Variants in BRINP1 observed in about 807,000 individuals in gnomAD.
The protein encoded by BRINP1 is BMP/retinoic acid inducible neural specific 1.
In BRINP1, 17 loss-of-function variants were observed where a neutral mutation model predicts 72.9. That is an observed-to-expected ratio of 0.23 (90% CI 0.16 to 0.35). The LOEUF is 0.35. Among genes scored for constraint, BRINP1 ranks in the 10% least tolerant of loss-of-function variants. The probability of loss-of-function intolerance (pLI) is 1.00; values close to 1 mark genes in which losing one functional copy is unlikely to be tolerated. For missense variants in BRINP1, 850 were observed against 1,001.6 expected (o/e 0.85, Z 2.04); for synonymous variants, 418 against 378.5 (o/e 1.10, Z -1.21).
At chr9:119,202,146 C>T (rs1829811600) in intron 7 of BRINP1, among the ~76,000 whole-genome samples, 1 of 152,194 alleles carries the variant, frequency 6.6e-6, no homozygotes, top group South Asian at 2.1e-4. Context: ...ATTTAATCAT[C>T]AGCAAGTCAT....
intron 1 of BRINP1, among the ~76,000 whole-genome samples, chr9:119,358,283 C>A (rs1831590685): frequency 6.6e-6 from 1 of 151,348 alleles, no homozygotes; most frequent in Non-Finnish European, 1.5e-5. Flanking sequence ...AATACCCTGT[C>A]TTATACATTA....
intron 1 of BRINP1, among the ~76,000 whole-genome samples, chr9:119,330,712 C>G (rs942168149): frequency 5.3e-5 from 8 of 152,122 alleles, no homozygotes; most frequent in Non-Finnish European, 1.0e-4. Context: ...ATTTGCCTCT[C>G]AGGGGCCTGT....
At chr9:119,276,667 A>G (rs1830660536) in intron 2 of BRINP1, among the ~76,000 whole-genome samples, 1 of 152,146 alleles carries the variant, frequency 6.6e-6, no homozygotes. Flanking sequence ...GCTTCCCACT[A>G]TACTGGTGCA....
chr9:119,231,310 C>G (rs755051254), intron 5 of BRINP1, among the ~76,000 whole-genome samples: 14 of 152,028 alleles, frequency 9.2e-5, no homozygotes, highest in Admixed American at 5.9e-4. Context: ...CTATCTAAGG[C>G]AAATAATTCC....
chr9:119,312,586 C>T (rs1831079008), intron 2 of BRINP1, among the ~76,000 whole-genome samples: 1 of 152,136 alleles, frequency 6.6e-6, no homozygotes, highest in Non-Finnish European at 1.5e-5. Context: ...GGTCCAAGAA[C>T]CAGTACAGAC....
At chr9:119,317,020 G>C (rs1172715766) in intron 1 of BRINP1, among the ~76,000 whole-genome samples, 1 of 151,768 alleles carries the variant, frequency 6.6e-6, no homozygotes, top group Non-Finnish European at 1.5e-5. Context: ...GAACCCGGGA[G>C]GCGGAGGTCG....
In BRINP1 at chr9:119,168,109, G is replaced by A; in HGVS notation, c.1261C>T (p.Leu421=). The A allele has an allele frequency of 6.2e-7, 1 of 1,608,632 alleles. No homozygotes were observed. Among genetic ancestry groups the A allele is most frequent in the Non-Finnish European group, 8.5e-7 (1 of 1,176,682 alleles). ...ACGCAGGGGATGGGGCGCTGGCACA[G>A]CGTGGTGCTGCCGTGGCACACGCAG... The part of the protein sequence containing the change: ...RSCVCHGSTT[L]CQRPIPCVIG... The change falls in exon 8 of 8, where the codon CTG becomes TTG. Residue 421 remains leucine, a synonymous_variant. Coordinates refer to ENST00000265922, the MANE Select transcript of BRINP1 (RefSeq NM_014618.3).
chr9:119,307,143 A>G (rs974590417), intron 2 of BRINP1, among the ~76,000 whole-genome samples: 6 of 151,696 alleles, frequency 4.0e-5, no homozygotes, highest in Non-Finnish European at 1.5e-5. Flanking sequence ...GCTACCCACG[A>G]GATGCCAGAA....
At chr9:119,330,466 G>A (rs1370234671) in intron 1 of BRINP1, among the ~76,000 whole-genome samples, 1 of 152,096 alleles carries the variant, frequency 6.6e-6, no homozygotes, top group Non-Finnish European at 1.5e-5. Context: ...TTCATCTCCA[G>A]TATCTTCTCT....
At chr9:119,342,595 C>T (rs1464356374) in intron 1 of BRINP1, among the ~76,000 whole-genome samples, 1 of 152,194 alleles carries the variant, frequency 6.6e-6, no homozygotes, top group Non-Finnish European at 1.5e-5. Context: ...AAAATGGGAG[C>T]CTTCAAGCAT....
intron 2 of BRINP1, among the ~76,000 whole-genome samples, chr9:119,249,856 G>GGA (rs773621651): frequency 0.11 from 1,798 of 15,880 alleles, 55 homozygotes; most frequent in Middle Eastern, 0.14. Context: ...GGAAGGAAGG[G>GGA]AGGGAGGGAG....
chr9:119,178,425 T>TTGTG (rs370286031), intron 7 of BRINP1, among the ~76,000 whole-genome samples: 24 of 152,242 alleles, frequency 1.6e-4, no homozygotes, highest in Admixed American at 3.3e-4. Flanking sequence ...ATTTCATTGT[T>TTGTG]TGTGTGTGTG....
intron 2 of BRINP1, among the ~76,000 whole-genome samples, chr9:119,287,625 A>C (rs1463300477): frequency 2.0e-5 from 3 of 152,220 alleles, no homozygotes; most frequent in Non-Finnish European, 4.4e-5. Context: ...TTTCAGGTTC[A>C]TGGAAGTAAC....
intron 7 of BRINP1, among the ~76,000 whole-genome samples, chr9:119,172,215 A>G (rs1829421321): frequency 6.6e-6 from 1 of 152,218 alleles, no homozygotes; most frequent in Non-Finnish European, 1.5e-5. Context: ...GAAAGGATCA[A>G]CAAAATTGAT....
chr9:119,347,809 T>C (rs182262711), intron 1 of BRINP1, among the ~76,000 whole-genome samples: 6 of 152,308 alleles, frequency 3.9e-5, no homozygotes, highest in South Asian at 2.1e-4. Context: ...CTTTTATTTT[T>C]TTTAAGACAT....
rs773920434 is a variant in BRINP1, at chr9:119,167,752, T to C, written c.1618A>G (p.Met540Val). Residue 540 changes from methionine to valine, a missense_variant, in exon 8 of 8, where the codon ATG (methionine) becomes GTG (valine). Coordinates refer to ENST00000265922, the MANE Select transcript of BRINP1 (RefSeq NM_014618.3). The surrounding 1 kb of genome is among the most constrained non-coding windows in gnomAD (Gnocchi z 4.3). ...ATGCGCATGGACATGCCGATCACCA[T>C]GTGGATGAAGTCCATGCGGTTCTTG... ...SNKNRMDFIH[M>V]VIGMSMRICQ... is the part of the protein sequence containing the mutation. 21 of 1,613,952 alleles carry C rather than the reference T, an allele frequency of 1.3e-5. No homozygotes were observed. Among genetic ancestry groups the C allele is most frequent in the Admixed American group, 6.7e-5 (4 of 59,996 alleles).
At chr9:119,208,435 A>G (rs938491516) in intron 7 of BRINP1, among the ~76,000 whole-genome samples, 24 of 152,212 alleles carry the variant, frequency 1.6e-4, no homozygotes, top group African/African-American at 5.3e-4. Context: ...ATAATGCCAC[A>G]TAACTATCAG....
intron 5 of BRINP1, among the ~76,000 whole-genome samples, chr9:119,237,708 C>T (rs1439670936): frequency 6.6e-6 from 1 of 151,834 alleles, no homozygotes; most frequent in African/African-American, 2.4e-5. Context: ...GTCGCCTAGG[C>T]TGGAGTGCAG....
intron 2 of BRINP1, 96 bp from the exon 3 acceptor site, chr9:119,249,246 G>A: frequency 3.4e-6 from 4 of 1,177,192 alleles, no homozygotes; most frequent in South Asian, 1.6e-5. Context: ...CTCCTTAAGT[G>A]GGAAAGTGCC....
Sources: gnomAD v4.1 joint callset for allele counts (sites outside exome capture counted in the v4.1 genomes callset) on GRCh38, gnomAD v4.1.1 for gene constraint, Gnocchi (gnomAD v3.1) non-coding constraint, MANE v1.5 for transcripts, NCBI Gene and HGNC (gene_info 2026-07-23, HGNC 2026-07-21) for gene names.